FSTL4: variants seen among roughly 807,000 people sequenced by gnomAD.
The protein encoded by FSTL4 is follistatin like 4, also known as follistatin-related protein 4.
Under a neutral mutation model 78.2 loss-of-function variants are expected in FSTL4, and 28 were observed. The ratio of observed to expected loss-of-function variants is 0.36; its 90% CI spans 0.27 to 0.49. FSTL4 has a LOEUF of 0.49. Among genes scored for constraint, FSTL4 ranks in the 20% least tolerant of loss-of-function variants. FSTL4 has a pLI of 0.98. For missense variants in FSTL4, 922 were observed against 1,084.9 expected, an observed-to-expected ratio of 0.85 and a Z score of 2.11; for synonymous variants, 422 against 440.5, an observed-to-expected ratio of 0.96 and a Z score of 0.53.
chr5:133,371,782 ACT>A (rs1755308193), intron 4 of FSTL4, among the ~76,000 whole-genome samples: 1 of 152,234 alleles, frequency 6.6e-6, no homozygotes, highest in South Asian at 2.1e-4. Context: ...CTTGAAAAAC[ACT>A]GAGGTATGAA....
the FSTL4 span, among the ~76,000 whole-genome samples, chr5:133,764,843 G>C: frequency 1.3e-5 from 2 of 151,990 alleles, no homozygotes; most frequent in Non-Finnish European, 2.9e-5. Flanking sequence ...TCTTACAGGT[G>C]AGCCTCTTAA....
At chr5:133,555,102 T>C (rs1759761515) in intron 3 of FSTL4, among the ~76,000 whole-genome samples, 2 of 152,224 alleles carry the variant, frequency 1.3e-5, no homozygotes, top group South Asian at 2.1e-4. Context: ...CCATGAAATA[T>C]GTCAAGTGAT....
At chr5:133,701,884 C>T in the FSTL4 span, among the ~76,000 whole-genome samples, 109 of 152,234 alleles carry the variant, frequency 7.2e-4, no homozygotes, top group African/African-American at 2.5e-3. Flanking sequence ...GATAGCCCTG[C>T]CTGGGTTCAA....
intron 3 of FSTL4, among the ~76,000 whole-genome samples, chr5:133,419,047 T>G (rs932868118): frequency 1.3e-5 from 2 of 152,280 alleles, no homozygotes; most frequent in African/African-American, 4.8e-5. Flanking sequence ...ATTTTGAGAT[T>G]CGTTCATGTT....
At chr5:133,309,367 G>C (rs904326296) in intron 6 of FSTL4, among the ~76,000 whole-genome samples, 2 of 152,210 alleles carry the variant, frequency 1.3e-5, no homozygotes, top group Admixed American at 6.5e-5. Context: ...ACAAAAGGAG[G>C]AAGTGGGGGC....
intron 3 of FSTL4, among the ~76,000 whole-genome samples, chr5:133,525,018 T>C (rs1179939585): frequency 6.6e-6 from 1 of 152,202 alleles, no homozygotes; most frequent in Non-Finnish European, 1.5e-5. Flanking sequence ...GAAAGTCCTC[T>C]GAAACTTTAC....
the FSTL4 span, among the ~76,000 whole-genome samples, chr5:133,725,797 A>G: frequency 6.6e-6 from 1 of 152,230 alleles, no homozygotes; most frequent in Non-Finnish European, 1.5e-5. Flanking sequence ...AGTCAGTCAC[A>G]TGAAAAGAGC....
rs994194931 is a variant in FSTL4 at position 133,233,522 on chromosome 5, C to T, written c.910G>A (p.Asp304Asn). ...LEDINDFGED[D>N]SLYITKVTTI... ...GTCACCTTGGTGATGTACAGGGAAT[C>T]ATCCTCTCCAAAGTCCTGCACAGGG... Residue 304 changes from aspartate to asparagine, a missense_variant, in exon 8 of 16, where the codon GAT becomes AAT. Asp to Asn is a conservative substitution (Grantham distance 23). Coordinates refer to ENST00000265342, the MANE Select transcript of FSTL4 (RefSeq NM_015082.2). 1.2e-6 allele frequency: 2 copies of T among 1,613,888 alleles called. No individual in the cohort carries two copies. Among genetic ancestry groups the T allele is most frequent in the Admixed American group, 1.7e-5 (1 of 59,972 alleles).
chr5:133,653,451 T>C, the FSTL4 span, among the ~76,000 whole-genome samples: 1 of 152,136 alleles, frequency 6.6e-6, no homozygotes, highest in Non-Finnish European at 1.5e-5. Flanking sequence ...GCTCTGGGTA[T>C]CTCCCTCGGG....
chr5:133,504,243 C>T (rs1473836129), intron 3 of FSTL4, among the ~76,000 whole-genome samples: 1 of 152,102 alleles, frequency 6.6e-6, no homozygotes, highest in Non-Finnish European at 1.5e-5. Flanking sequence ...GTGTTTAGTG[C>T]CTCTGTCCAG....
At chr5:133,596,312 C>T (rs1157183182) in intron 2 of FSTL4, among the ~76,000 whole-genome samples, 2 of 152,358 alleles carry the variant, frequency 1.3e-5, no homozygotes, top group Admixed American at 1.3e-4. Flanking sequence ...CGTCTGTCAC[C>T]TCTGAGGCTA....
chr5:133,736,175 G>A, the FSTL4 span, among the ~76,000 whole-genome samples: 3 of 152,224 alleles, frequency 2.0e-5, no homozygotes, highest in Non-Finnish European at 4.4e-5. Context: ...GGAAGCCAAG[G>A]AGGATGTGTT....
At chr5:133,746,331 A>C in the FSTL4 span, among the ~76,000 whole-genome samples, 1 of 152,236 alleles carries the variant, frequency 6.6e-6, no homozygotes, top group African/African-American at 2.4e-5. Flanking sequence ...GATTATAAAC[A>C]AAAGTTCATG....
chr5:133,329,247 C>T (rs1754285976), intron 4 of FSTL4, among the ~76,000 whole-genome samples: 1 of 152,076 alleles, frequency 6.6e-6, no homozygotes, highest in Admixed American at 6.6e-5. Context: ...TTGGTTGTCA[C>T]AATGATTGGA....
At chr5:133,815,419 G>A in the FSTL4 span, among the ~76,000 whole-genome samples, 10 of 152,208 alleles carry the variant, frequency 6.6e-5, no homozygotes, top group African/African-American at 2.4e-4. Context: ...TTTGAGAGGT[G>A]GCCTGAGAGA....
At chr5:133,249,739 C>G (rs911453115) in intron 6 of FSTL4, among the ~76,000 whole-genome samples, 163 bp from the exon 7 acceptor site, 1 of 152,256 alleles carries the variant, frequency 6.6e-6, no homozygotes, top group East Asian at 1.9e-4. Flanking sequence ...GAGATAGACA[C>G]TTTTGCTGGG....
chr5:133,330,375 C>T (rs1013514425), intron 4 of FSTL4, among the ~76,000 whole-genome samples: 1 of 152,162 alleles, frequency 6.6e-6, no homozygotes, highest in Non-Finnish European at 1.5e-5. Context: ...GAAGCTTTTA[C>T]TCATGAAAGA....
intron 3 of FSTL4, among the ~76,000 whole-genome samples, chr5:133,521,924 T>G (rs1014372945): frequency 6.6e-6 from 1 of 152,176 alleles, no homozygotes; most frequent in African/African-American, 2.4e-5. Flanking sequence ...ACTGCAGGGT[T>G]GTCCCAAGAG....
chr5:133,406,475 C>T (rs1756365284), intron 3 of FSTL4, among the ~76,000 whole-genome samples: 1 of 152,156 alleles, frequency 6.6e-6, no homozygotes, highest in Admixed American at 6.5e-5. Context: ...CTCTCGGCAC[C>T]CCTCAGGGCT....
Sources: allele counts gnomAD v4.1 joint callset (sites outside exome capture counted in the v4.1 genomes callset), GRCh38; gene constraint gnomAD v4.1.1; transcripts MANE v1.5; gene names NCBI Gene and HGNC (gene_info 2026-07-23, HGNC 2026-07-21).